Variants in LSAMP observed in about 807,000 individuals in gnomAD.
LSAMP encodes limbic system associated membrane protein, also known as limbic system-associated membrane protein.
Under a neutral mutation model 38.6 loss-of-function variants are expected in LSAMP, and 7 were observed. The ratio of observed to expected loss-of-function variants is 0.18; its 90% CI spans 0.10 to 0.34. The LOEUF (loss-of-function observed/expected upper bound fraction) is 0.34, where lower values mean the gene tolerates loss of function less well. Ranked by LOEUF, LSAMP falls within the 10% of genes least tolerant of loss-of-function variation. LSAMP has a pLI of 1.00. For synonymous variants in LSAMP, 154 were observed against 166.8 expected, an observed-to-expected ratio of 0.92 and a Z score of 0.59; for missense variants, 313 against 420.0, an observed-to-expected ratio of 0.75 and a Z score of 2.23.
At chr3:116,277,602 ACCT>A (rs1026437336) in intron 1 of LSAMP, among the ~76,000 whole-genome samples, 23 of 151,448 alleles carry the variant, frequency 1.5e-4, no homozygotes, top group Non-Finnish European at 1.9e-4. Flanking sequence ...GGATCTCCTG[ACCT>A]CCTGATCTGC....
intron 1 of LSAMP, among the ~76,000 whole-genome samples, chr3:116,205,310 G>A (rs1389105139): frequency 4.3e-5 from 6 of 140,238 alleles, no homozygotes; most frequent in East Asian, 2.1e-4. Flanking sequence ...GGGCTGAGAC[G>A]ATGGGGTTTT....
intron 1 of LSAMP, among the ~76,000 whole-genome samples, chr3:116,333,683 G>T (rs1264708141): frequency 6.6e-6 from 1 of 151,846 alleles, no homozygotes; most frequent in East Asian, 1.9e-4. Flanking sequence ...GATTGAGGAA[G>T]AAATCACAAG....
intron 3 of LSAMP, among the ~76,000 whole-genome samples, chr3:115,944,991 C>G (rs1213075317): frequency 6.6e-6 from 1 of 152,042 alleles, no homozygotes. Context: ...TATTAAGTAC[C>G]ATTTTTTTTC....
Position 116,265,564 on chromosome 3 carries a change from G to C in LSAMP, c.156-179008C>G, listed in dbSNP as rs2046880382. ...CATAAGAATCTAAATACTCGTTCCA[G>C]GATGATGAAGTTGTTGGGAAGGGCA... On this transcript the variant is annotated intron_variant, in intron 1 of 6. Coordinates refer to ENST00000490035, the MANE Select transcript of LSAMP (RefSeq NM_002338.5). Among the ~76,000 whole-genome samples the C allele has an allele frequency of 1.3e-5, 2 of 152,124 alleles. 1 individual carries two copies. Among genetic ancestry groups the C allele is most frequent in the South Asian group, 4.1e-4 (2 of 4,822 alleles).
chr3:115,930,975 G>A (rs1426286319), intron 3 of LSAMP, among the ~76,000 whole-genome samples: 2 of 152,094 alleles, frequency 1.3e-5, no homozygotes, highest in Admixed American at 6.5e-5. Context: ...AGAAATACTC[G>A]TAAATTGAAG....
chr3:116,317,000 G>A (rs2047638111), intron 1 of LSAMP, among the ~76,000 whole-genome samples: 1 of 152,016 alleles, frequency 6.6e-6, no homozygotes, highest in African/African-American at 2.4e-5. Context: ...GGCTTGAGTG[G>A]GGCTTTGAAG....
At chr3:116,158,496 A>G (rs1214528676) in intron 1 of LSAMP, among the ~76,000 whole-genome samples, 1 of 152,206 alleles carries the variant, frequency 6.6e-6, no homozygotes, top group Non-Finnish European at 1.5e-5. Context: ...ATTTCAGCTA[A>G]GTTTCAGGAT....
chr3:116,019,117 A>T (rs2107686447), intron 3 of LSAMP, among the ~76,000 whole-genome samples: 1 of 129,174 alleles, frequency 7.7e-6, no homozygotes, highest in East Asian at 2.6e-4. Flanking sequence ...TACATATAAT[A>T]TCAAGCCATT....
chr3:115,968,782 G>A (rs1231701544), intron 3 of LSAMP, among the ~76,000 whole-genome samples: 3 of 152,188 alleles, frequency 2.0e-5, no homozygotes, highest in Admixed American at 6.5e-5. Flanking sequence ...GGGAATTGCA[G>A]TCCTTGTGGC....
chr3:115,930,001 A>AGT (rs1937554384), intron 3 of LSAMP, among the ~76,000 whole-genome samples: 2 of 25,342 alleles, frequency 7.9e-5, no homozygotes, highest in Non-Finnish European at 2.3e-4. Context: ...ATTTAGCAGA[A>AGT]GTTTTTTTTT....
At chr3:116,344,122 G>A (rs577134179) in intron 1 of LSAMP, among the ~76,000 whole-genome samples, 2 of 152,206 alleles carry the variant, frequency 1.3e-5, no homozygotes, top group East Asian at 3.9e-4. Context: ...ATGGAAGCAC[G>A]TGAATAATGG....
At chr3:116,198,606 A>G (rs983535597) in intron 1 of LSAMP, among the ~76,000 whole-genome samples, 1 of 151,260 alleles carries the variant, frequency 6.6e-6, no homozygotes, top group African/African-American at 2.4e-5. Context: ...CGTCTCTACT[A>G]AAAAAATACA....
At chr3:116,131,822 TTTTC>T (rs896021749) in intron 1 of LSAMP, among the ~76,000 whole-genome samples, 3 of 150,242 alleles carry the variant, frequency 2.0e-5, no homozygotes, top group African/African-American at 7.4e-5. Flanking sequence ...CCTAAATTTC[TTTTC>T]TTTTTCTTTT....
intron 3 of LSAMP, among the ~76,000 whole-genome samples, chr3:115,989,401 A>G (rs1939604081): frequency 6.6e-6 from 1 of 152,140 alleles, no homozygotes; most frequent in Admixed American, 6.6e-5. Context: ...ACAAAGCTTG[A>G]TATTGCAATG....
chr3:116,239,202 A>C (rs775429882), intron 1 of LSAMP, among the ~76,000 whole-genome samples: 31 of 152,136 alleles, frequency 2.0e-4, no homozygotes, highest in Non-Finnish European at 4.0e-4. Context: ...TCACATGAGT[A>C]GAGTAAAGGG....
At chr3:115,924,831 C>T (rs906349419) in intron 3 of LSAMP, among the ~76,000 whole-genome samples, 17 of 152,158 alleles carry the variant, frequency 1.1e-4, no homozygotes, top group African/African-American at 4.1e-4. Flanking sequence ...AACATAGGGT[C>T]CTACTTCTCC....
At chr3:115,882,172 C>T (rs1936339878) in intron 3 of LSAMP, among the ~76,000 whole-genome samples, 1 of 152,098 alleles carries the variant, frequency 6.6e-6, no homozygotes, top group Non-Finnish European at 1.5e-5. Context: ...TCCCACTTCT[C>T]TCCTGCTTAT....
chr3:116,369,465 A>G (rs1209073132), intron 1 of LSAMP, among the ~76,000 whole-genome samples: 1 of 152,172 alleles, frequency 6.6e-6, no homozygotes, highest in Non-Finnish European at 1.5e-5. Context: ...TGGCAGGTCT[A>G]TCAAAGAGAA....
At chr3:116,404,363 TA>T (rs1382240221) in intron 1 of LSAMP, among the ~76,000 whole-genome samples, 4 of 152,152 alleles carry the variant, frequency 2.6e-5, no homozygotes, top group African/African-American at 9.6e-5. Flanking sequence ...GGGTTTCTCA[TA>T]AAGTAAAAAT....
Sources: gnomAD v4.1 joint callset for allele counts (sites outside exome capture counted in the v4.1 genomes callset) on GRCh38, gnomAD v4.1.1 for gene constraint, MANE v1.5 for transcripts, NCBI Gene and HGNC (gene_info 2026-07-23, HGNC 2026-07-21) for gene names.